RPS6KA1: variants seen among roughly 807,000 people sequenced by gnomAD.
RPS6KA1 encodes ribosomal protein S6 kinase A1, also known as ribosomal protein S6 kinase alpha-1.
Under a neutral mutation model 91.3 loss-of-function variants are expected in RPS6KA1, and 48 were observed. The ratio of observed to expected loss-of-function variants is 0.53; its 90% confidence interval spans 0.42 to 0.67. The LOEUF is 0.67. Among genes scored for constraint, RPS6KA1 ranks in the 30% least tolerant of loss-of-function variants. RPS6KA1 has a pLI of 0.00. For synonymous variants in RPS6KA1, 359 were observed against 384.7 expected (o/e 0.93, Z 0.78); for missense variants, 719 against 960.5 (o/e 0.75, Z 3.32).
chr1:26,546,023 C>G, intron 2 of RPS6KA1: 1 of 1,611,596 alleles, frequency 6.2e-7, no homozygotes, highest in Non-Finnish European at 8.5e-7. Flanking sequence ...GCTCTGGCCC[C>G]CAGCGGGACT....
rs2124635703 is a variant in RPS6KA1, at chr1:26,551,121, G to A, written c.308-276G>A. On this transcript the variant is annotated intron_variant, in intron 4 of 21. Transcript: ENST00000374168. The surrounding 1 kb of genome is among the most constrained non-coding windows in gnomAD (Gnocchi z 4.5). ...TGGCTGATTAACAGGTCTTGATGGG[G>A]TCTGGTGGGAAAAGGGACCAGAGAG... is the stretch of plus-strand genomic sequence containing the variant. 6.6e-6 allele frequency among the ~76,000 whole-genome samples: 1 copy of A among 152,312 alleles called. No individual in the cohort carries two copies. Among genetic ancestry groups the A allele is most frequent in the East Asian group, 1.9e-4 (1 of 5,178 alleles).
chr1:26,540,640 AC>A lies in RPS6KA1; in HGVS notation c.108+3673del, dbSNP rs2075940223. ...GCCCAGGCTGGAGTGCAGTGGTACA[AC>A]CACAGCTCACTGTAGCCTTGACCTC... On this transcript the variant is annotated intron_variant, in intron 2 of 21. Coordinates refer to ENST00000374168, the MANE Select transcript of RPS6KA1 (RefSeq NM_002953.4). The surrounding 1 kb of genome is among the most constrained non-coding windows in gnomAD (Gnocchi z 4.2). Among the ~76,000 whole-genome samples the A allele has an allele frequency of 6.6e-6, 1 of 152,106 alleles. No homozygotes were observed. The highest frequency in any genetic ancestry group is 1.5e-5 in the Non-Finnish European group (1 of 67,990).
At chr1:26,560,621 G>T (rs2076145367) in intron 14 of RPS6KA1, 105 bp from the exon 15 acceptor site, 1 of 1,434,956 alleles carries the variant, frequency 7.0e-7, no homozygotes, top group Non-Finnish European at 9.6e-7. Flanking sequence ...AAGTCTCCTG[G>T]CCCTTCCCTG....
rs1053414089 is a variant in RPS6KA1, at chr1:26,561,015, G to A, written c.1342-30G>A. On this transcript the variant is annotated intron_variant, in intron 15 of 21. Coordinates refer to ENST00000374168, the MANE Select transcript of RPS6KA1 (RefSeq NM_002953.4). This position sits in a 1 kb window ranked among gnomAD's most constrained non-coding sequence, Gnocchi z 5.7. ...AAAGGACCCTGGACCCTGTCACCCT[G>A]ACACTGCCACATGCACCCCCTTTCT... The A allele has an allele frequency of 1.2e-6, 2 of 1,609,166 alleles. No individual in the cohort carries two copies. The highest frequency in any genetic ancestry group is 2.7e-5 in the African/African-American group (2 of 74,786).
intron 1 of RPS6KA1, among the ~76,000 whole-genome samples, chr1:26,534,747 C>A (rs999285538): frequency 6.6e-6 from 1 of 152,160 alleles, no homozygotes; most frequent in East Asian, 1.9e-4. Context: ...AATGAACTAA[C>A]CTTCTAGGGG....
chr1:26,552,318 G>C (rs1334458633), intron 6 of RPS6KA1, among the ~76,000 whole-genome samples: 1 of 145,586 alleles, frequency 6.9e-6, no homozygotes, highest in African/African-American at 2.6e-5. Context: ...AACCCAGGAG[G>C]CAGAGGTTGC....
At chr1:26,546,467 G>T (rs564283691) in intron 2 of RPS6KA1, among the ~76,000 whole-genome samples, 6 of 152,322 alleles carry the variant, frequency 3.9e-5, no homozygotes, top group African/African-American at 1.2e-4. Flanking sequence ...CAGGAACGAA[G>T]GCCCAGCTCT....
intron 1 of RPS6KA1, chr1:26,530,632 CT>C: frequency 1.5e-6 from 1 of 645,600 alleles, no homozygotes; most frequent in Non-Finnish European, 2.2e-6. Context: ...GTGGGGGGAC[CT>C]TGGTGCCTGC....
At chr1:26,568,409 A>G (rs537156367) in intron 17 of RPS6KA1, among the ~76,000 whole-genome samples, 7 of 152,252 alleles carry the variant, frequency 4.6e-5, no homozygotes, top group East Asian at 1.9e-4. Context: ...ACAGTTTCCT[A>G]TAGGAATTTG....
chr1:26,534,088 T>C (rs1335582626), intron 1 of RPS6KA1, among the ~76,000 whole-genome samples: 1 of 152,136 alleles, frequency 6.6e-6, no homozygotes, highest in African/African-American at 2.4e-5. Flanking sequence ...CCCACACCTC[T>C]AGGTACACCT....
chr1:26,560,782 TG>T lies in RPS6KA1; in HGVS notation c.1274del (p.Gly425ValfsTer51). The part of the protein sequence containing the change: ...SDGYVVKETI[G>X]VGSYSECKRC... ...ACGGCTACGTGGTAAAGGAGACAATTGGTGTGGGCTCCTACTCTGAGTGCAA... is the reference window on the plus strand; with the variant it reads ...ACGGCTACGTGGTAAAGGAGACAATTGTGTGGGCTCCTACTCTGAGTGCAA... On this transcript the variant is annotated frameshift_variant, in exon 15 of 22. Coordinates refer to ENST00000374168, the MANE Select transcript of RPS6KA1 (RefSeq NM_002953.4). LOFTEE classifies it high-confidence loss of function. 1 of 1,614,120 alleles carries T rather than the reference TG, an allele frequency of 6.2e-7. No homozygotes were observed.
chr1:26,558,913 G>T lies in RPS6KA1; in HGVS notation c.1191G>T (p.Gln397His). 1.9e-6 allele frequency: 3 copies of T among 1,613,594 alleles called. No individual in the cohort carries two copies. The highest frequency in any genetic ancestry group is 2.5e-6 in the Non-Finnish European group (3 of 1,179,608). ...MEDDGKPRAP[Q>H]APLHSVVQQL... The stretch of plus-strand genomic sequence containing the variant: ...ACGACGGCAAGCCTCGTGCCCCGCA[G>T]GCACCCCTGCACTCGGTGGTACAGG... Residue 397 changes from glutamine (Q) to histidine (H), a missense_variant, in exon 14 of 22, where the codon CAG becomes CAT. Transcript: ENST00000374168. The surrounding 1 kb of genome is among the most constrained non-coding windows in gnomAD (Gnocchi z 4.0).
chr1:26,541,133 G>A (rs191700748), intron 2 of RPS6KA1, among the ~76,000 whole-genome samples: 2 of 151,752 alleles, frequency 1.3e-5, no homozygotes, highest in East Asian at 1.9e-4. Flanking sequence ...GTGGTGGTAC[G>A]CACTTGTCCT....
intron 13 of RPS6KA1, among the ~76,000 whole-genome samples, chr1:26,557,606 G>C (rs72879014): frequency 0.047 from 7,120 of 152,204 alleles, 490 homozygotes; most frequent in African/African-American, 0.15. Flanking sequence ...CATTCCCTGG[G>C]GTTGCTACAA....
chr1:26,557,912 TCCA>T (rs1459004060), intron 13 of RPS6KA1, among the ~76,000 whole-genome samples: 1 of 150,842 alleles, frequency 6.6e-6, no homozygotes, highest in African/African-American at 2.4e-5. Flanking sequence ...TACTGCAACC[TCCA>T]CCTCCTGGGT....
At chr1:26,530,771 C>T (rs1396324227) in intron 1 of RPS6KA1, 3 of 1,288,072 alleles carry the variant, frequency 2.3e-6, no homozygotes, top group Admixed American at 2.3e-5. Context: ...CCCTTGAGGG[C>T]TCTGTGGCTC....
chr1:26,549,690 CT>C (rs561375723), intron 4 of RPS6KA1, among the ~76,000 whole-genome samples: 39,275 of 102,284 alleles, frequency 0.38, 4,911 homozygotes, highest in East Asian at 0.52. Context: ...AAAGCCTGTT[CT>C]TTTTTTTTTT....
In RPS6KA1 at chr1:26,529,944, G is replaced by A. The variant is rs540275445; in HGVS notation, c.24G>A (p.Glu8=). 8.2e-5 allele frequency: 118 copies of A among 1,433,940 alleles called. 2 individuals carry two copies. The South Asian group carries it at 1.5e-3, about 18-fold the overall frequency. 88.8% of individuals were successfully genotyped at this position (1,433,940 alleles called of 1,614,324 possible). A position where few individuals can be genotyped will look rare whatever the true frequency, so the allele number is the denominator to read the frequency against. The part of the protein sequence containing the change: MPLAQLK[E]PWPLMELVPL... ...AGATGCCGCTCGCCCAGCTCAAGGA[G>A]CCCTGGCCGCTCATGGAGCTAGTGC... Residue 8 remains glutamate (E), a synonymous_variant, in exon 1 of 22, where the codon GAG becomes GAA. Transcript: ENST00000374168. The surrounding 1 kb of genome is among the most constrained non-coding windows in gnomAD (Gnocchi z 4.2).
chr1:26,552,621 G>A (rs1352313069), intron 6 of RPS6KA1, among the ~76,000 whole-genome samples: 1 of 151,158 alleles, frequency 6.6e-6, no homozygotes, highest in Non-Finnish European at 1.5e-5. Flanking sequence ...CGAGTAGCTG[G>A]GATGACAGGT....
Sources: allele counts gnomAD v4.1 joint callset (sites outside exome capture counted in the v4.1 genomes callset), GRCh38; gene constraint gnomAD v4.1.1; non-coding constraint Gnocchi (gnomAD v3.1); transcripts MANE v1.5; gene names NCBI Gene and HGNC (gene_info 2026-07-23, HGNC 2026-07-21).